The following COL1A1 variants were observed in gnomAD, a reference collection of about 807,000 sequenced individuals.
The protein encoded by COL1A1 is collagen type I alpha 1 chain, also known as collagen alpha-1(I) chain.
Under a neutral mutation model 195.7 loss-of-function variants are expected in COL1A1, and 21 were observed. That is an observed-to-expected ratio of 0.11 (90% CI 0.08 to 0.15). COL1A1 has a LOEUF of 0.15. COL1A1 is among the 10% of genes least tolerant of loss of function. The probability of loss-of-function intolerance (pLI) is 1.00; values close to 1 mark genes in which losing one functional copy is unlikely to be tolerated. For missense variants in COL1A1, 1,365 were observed against 2,051.0 expected, an observed-to-expected ratio of 0.67 and a Z score of 6.46; for synonymous variants, 749 against 747.3, an observed-to-expected ratio of 1.00 and a Z score of -0.04.
rs1906542007 is a variant in COL1A1 at position 50,186,529 on chromosome 17, T to C, written c.3815-22A>G. 6.2e-7 allele frequency: 1 copy of C among 1,613,802 alleles called. No individual in the cohort carries two copies. Reference sequence around the variant, plus strand: ...TCTCCTGTGGTAGGGCAGGGCAAGATGGAGTCAGGGAAAGGGAGCAGCCAG... The same window carrying C: ...TCTCCTGTGGTAGGGCAGGGCAAGACGGAGTCAGGGAAAGGGAGCAGCCAG... On this transcript the variant is annotated intron_variant, in intron 48 of 50. Coordinates refer to ENST00000225964, the MANE Select transcript of COL1A1 (RefSeq NM_000088.4). This position sits in a 1 kb window ranked among gnomAD's most constrained non-coding sequence, Gnocchi z 5.3.
chr17:50,194,451 G>T lies in COL1A1; in HGVS notation c.1516-4C>A. 6.2e-7 allele frequency: 1 copy of T among 1,614,098 alleles called. No homozygotes were observed. The highest frequency in any genetic ancestry group is 8.5e-7 in the Non-Finnish European group (1 of 1,179,984). ...AACCACGTTCACCAGCGGGACCCTG[G>T]TTGGGGGAAGTCACAGGAACAGTTA... On this transcript the variant is annotated splice_region_variant and splice_polypyrimidine_tract_variant and intron_variant, in intron 22 of 50. Coordinates refer to ENST00000225964, the MANE Select transcript of COL1A1 (RefSeq NM_000088.4). This position sits in a 1 kb window ranked among gnomAD's most constrained non-coding sequence, Gnocchi z 6.8.
chr17:50,195,987 A>G lies in COL1A1; in HGVS notation c.1003-11T>C. ...GGGGCCGGTGGGACCCTGTGAATGA[A>G]ATGGAGATGTCAGCGAGAAGGAAGA... is the stretch of plus-strand genomic sequence containing the variant. On this transcript the variant is annotated splice_polypyrimidine_tract_variant and intron_variant, in intron 15 of 50. Coordinates refer to ENST00000225964, the MANE Select transcript of COL1A1 (RefSeq NM_000088.4). This position sits in a 1 kb window ranked among gnomAD's most constrained non-coding sequence, Gnocchi z 4.3. 6.3e-7 allele frequency: 1 copy of G among 1,597,412 alleles called. No homozygotes were observed. The highest frequency in any genetic ancestry group is 8.5e-7 in the Non-Finnish European group (1 of 1,171,708).
chr17:50,198,214 G>A lies in COL1A1; in HGVS notation c.544-9C>T, dbSNP rs546697625. On this transcript the variant is annotated splice_polypyrimidine_tract_variant and intron_variant, in intron 6 of 50. Transcript: ENST00000225964. ...CGAGGACCAGAGGGACCCTATAGAG[G>A]GAGAAGAAAGGGGGGTCATGGTGAT... 1 of 1,614,006 alleles carries A rather than the reference G, an allele frequency of 6.2e-7. No homozygotes were observed. Among genetic ancestry groups the A allele is most frequent in the African/African-American group, 1.3e-5 (1 of 75,020 alleles).
chr17:50,191,963 G>T lies in COL1A1; in HGVS notation c.2028+17C>A. On this transcript the variant is annotated intron_variant, in intron 30 of 50. Transcript: ENST00000225964. ...TACGACGCACCTTGACGGATGCAGC[G>T]AGAGAGGCCTACTTACTCTTGCTCC... 1 of 1,612,370 alleles carries T rather than the reference G, an allele frequency of 6.2e-7. No individual in the cohort carries two copies. The highest frequency in any genetic ancestry group is 8.5e-7 in the Non-Finnish European group (1 of 1,179,416).
chr17:50,195,049 G>C lies in COL1A1; in HGVS notation c.1351C>G (p.Pro451Ala), dbSNP rs1907454557. The C allele has an allele frequency of 6.2e-7, 1 of 1,613,364 alleles. No individual in the cohort carries two copies. Among genetic ancestry groups the C allele is most frequent in the Admixed American group, 1.7e-5 (1 of 60,014 alleles). The part of the protein sequence containing the change: ...SKGDTGAKGE[P>A]GPVGVQGPPG... Reference sequence around the variant, plus strand: ...AGAAGGATGGCGGGGAGACTTACAGGCTCTCCCTTAGCACCAGTGTCTCCT... The same window carrying C: ...AGAAGGATGGCGGGGAGACTTACAGCCTCTCCCTTAGCACCAGTGTCTCCT... The change falls in exon 20 of 51, where the codon CCT becomes GCT. Residue 451 changes from proline (P) to alanine (A), a missense_variant and splice_region_variant. Around this residue, in one of 5 missense-constraint regions of COL1A1, gnomAD observed 671 missense variants for 1,099.9 expected, o/e 0.61. Coordinates refer to ENST00000225964, the MANE Select transcript of COL1A1 (RefSeq NM_000088.4). This position sits in a 1 kb window ranked among gnomAD's most constrained non-coding sequence, Gnocchi z 4.3.
rs368669396 is a variant in COL1A1 at position 50,186,066 on chromosome 17, C to T, written c.4006-46G>A. 1.0e-4 allele frequency: 163 copies of T among 1,605,704 alleles called. No homozygotes were observed. The highest frequency in any genetic ancestry group is 1.3e-4 in the Non-Finnish European group (154 of 1,179,646). On this transcript the variant is annotated intron_variant, in intron 49 of 50. Transcript: ENST00000225964. The surrounding 1 kb of genome is among the most constrained non-coding windows in gnomAD (Gnocchi z 5.3). ...GGAAGAGTGAGCCGCTATGCGGGAA[C>T]CTCTAGTCCTGCCTGGCCTCCCTGT...
rs756572885 is a variant in COL1A1, at chr17:50,192,789, A to C, written c.1875+8T>G. 6.2e-7 allele frequency: 1 copy of C among 1,614,032 alleles called. No homozygotes were observed. The highest frequency in any genetic ancestry group is 1.1e-5 in the South Asian group (1 of 91,080). ...TGCTCCCCAGATCTCCCCATCAGGG[A>C]CACTCACAGCAGGGCCAGGGGGTCC... is the stretch of plus-strand genomic sequence containing the variant. On this transcript the variant is annotated splice_region_variant and intron_variant, in intron 27 of 50. Coordinates refer to ENST00000225964, the MANE Select transcript of COL1A1 (RefSeq NM_000088.4).
At position 50,190,702 on chromosome 17, in the gene COL1A1, G is replaced by A; in HGVS notation, c.2344-106C>T. On this transcript the variant is annotated intron_variant, in intron 33 of 50. Transcript: ENST00000225964. This position sits in a 1 kb window ranked among gnomAD's most constrained non-coding sequence, Gnocchi z 4.7. ...CCTTCTGGTCCCTCCAGGTTCCCAG[G>A]TTGACAGCTCAGTTTGGCAGGACCT... The A allele has an allele frequency of 6.7e-7, 1 of 1,502,406 alleles. No individual in the cohort carries two copies. Among genetic ancestry groups the A allele is most frequent in the Non-Finnish European group, 9.2e-7 (1 of 1,084,318 alleles). The allele number at this position is 1,502,406 out of a possible 1,614,324, so 93.1% of individuals were successfully genotyped here.
rs144950974 is a variant in COL1A1 at position 50,201,274 on chromosome 17, G to A, written c.103+137C>T. 5.3e-5 allele frequency: 44 copies of A among 833,544 alleles called. No homozygotes were observed. In the East Asian group the frequency reaches 9.4e-4, roughly 18 times the overall value. The allele number at this position is 833,544 out of a possible 1,614,324, so 51.6% of individuals were successfully genotyped here. On this transcript the variant is annotated intron_variant, in intron 1 of 50. Coordinates refer to ENST00000225964, the MANE Select transcript of COL1A1 (RefSeq NM_000088.4). ...GAGCTCCCTCCTGTCTCAGGGCGCCGAGGAAGAGCCCTCATCATCTCCCTT... is the reference window on the plus strand; with the variant it reads ...GAGCTCCCTCCTGTCTCAGGGCGCCAAGGAAGAGCCCTCATCATCTCCCTT...
rs1452397444 is a variant in COL1A1, at chr17:50,188,476, C to A, written c.3207+54G>T. 1 of 1,548,724 alleles carries A rather than the reference C, an allele frequency of 6.5e-7. No homozygotes were observed. The highest frequency in any genetic ancestry group is 2.2e-5 in the East Asian group (1 of 44,572). On this transcript the variant is annotated intron_variant, in intron 43 of 50. Transcript: ENST00000225964. This position sits in a 1 kb window ranked among gnomAD's most constrained non-coding sequence, Gnocchi z 5.6. ...ACCCATCCCCAGGCCTCTAAGGAGG[C>A]CTGAAGAGTCCCTGGCCTGACCAGG... is the stretch of plus-strand genomic sequence containing the variant.
chr17:50,194,547 G>GC lies in COL1A1; in HGVS notation c.1515+25dup, dbSNP rs758833227. ...AGATGCCCAGGGAGCGGCAGGGTCA[G>GC]CCCCCCGGCCGCAAGGAGAGGTTAC... On this transcript the variant is annotated intron_variant, in intron 22 of 50. Coordinates refer to ENST00000225964, the MANE Select transcript of COL1A1 (RefSeq NM_000088.4). The surrounding 1 kb of genome is among the most constrained non-coding windows in gnomAD (Gnocchi z 6.8). The GC allele has an allele frequency of 2.5e-6, 4 of 1,602,730 alleles. No individual in the cohort carries two copies. The highest frequency in any genetic ancestry group is 8.5e-7 in the Non-Finnish European group (1 of 1,174,808).
rs752357719 is a variant in COL1A1 at position 50,188,985 on chromosome 17, G to C, written c.2963C>G (p.Ser988Cys). ...GGGACCACGTTCACCACTTGCTCCA[G>C]AGGGACCTTGTTTGCCAGGTTCACC... Reference protein sequence around the residue: ...PSGEPGKQGPSGASGERGPPG... With the variant: ...PSGEPGKQGPCGASGERGPPG... The change falls in exon 41 of 51, where the codon TCT becomes TGT. Residue 988 changes from serine (S) to cysteine (C), a missense_variant. Ser to Cys is a moderately radical substitution (Grantham distance 112, BLOSUM62 -1). Around this residue, in one of 5 missense-constraint regions of COL1A1, gnomAD observed 671 missense variants for 1,099.9 expected, o/e 0.61. Transcript: ENST00000225964. The surrounding 1 kb of genome is among the most constrained non-coding windows in gnomAD (Gnocchi z 5.6). 1.2e-6 allele frequency: 2 copies of C among 1,613,894 alleles called. No individual in the cohort carries two copies. Among genetic ancestry groups the C allele is most frequent in the Non-Finnish European group, 1.7e-6 (2 of 1,179,866 alleles).
rs1042736214 is a variant in COL1A1 at position 50,193,908 on chromosome 17, C to T, written c.1767+35G>A. 4 of 1,589,658 alleles carry T rather than the reference C, an allele frequency of 2.5e-6. No homozygotes were observed. In the African/African-American group the frequency reaches 5.4e-5, roughly 21 times the overall value. ...TCCTTCAAGTCTCAGGTGTGTTTGT[C>T]CCTGGCTCTTCATGGATCCTCACTT... On this transcript the variant is annotated intron_variant, in intron 25 of 50. Transcript: ENST00000225964.
At position 50,199,718 on chromosome 17, in the gene COL1A1, AGGCCCCAGGCCCCAGG is replaced by A. The variant is rs1907913773; in HGVS notation, c.298+19_298+34del. 1.8e-5 allele frequency: 4 copies of A among 225,108 alleles called. No homozygotes were observed. The East Asian group carries it at 5.7e-4, about 32-fold the overall frequency. 13.9% of individuals were successfully genotyped at this position (225,108 alleles called of 1,614,324 possible). On this transcript the variant is annotated intron_variant, in intron 2 of 50. Transcript: ENST00000225964. Reference sequence around the variant, plus strand: ...GCCCCAGCCCCAGGCCCCAGGCCCCAGGCCCCAGGCCCCAGGCCCCGAGCGCAGCCGCACCTGAGCC... The same window carrying A: ...GCCCCAGCCCCAGGCCCCAGGCCCCACCCCGAGCGCAGCCGCACCTGAGCC...
intron 32 of COL1A1, 129 bp downstream of exon 32, chr17:50,191,254 A>T: frequency 1.1e-6 from 1 of 920,046 alleles, no homozygotes; most frequent in East Asian, 2.5e-5. Flanking sequence ...GCCAGAGGGG[A>T]AAGGGGAAGA....
Position 50,184,687 on chromosome 17 carries a change from T to C in COL1A1, c.*815A>G, listed in dbSNP as rs886053146. On this transcript the variant is annotated 3_prime_UTR_variant, in exon 51 of 51. Transcript: ENST00000225964. ...CCCCGCCCCCAGGCAGTTGCCCCGG[T>C]GACACATCAAGACAAGAACGAGGTA... is the stretch of plus-strand genomic sequence containing the variant. 2 of 205,260 alleles carry C rather than the reference T, an allele frequency of 9.7e-6. No individual in the cohort carries two copies. The highest frequency in any genetic ancestry group is 2.0e-5 in the Non-Finnish European group (2 of 102,496). The allele number at this position is 205,260 out of a possible 1,614,324, so 12.7% of individuals were successfully genotyped here.
At position 50,195,111 on chromosome 17, in the gene COL1A1, G is replaced by A; in HGVS notation, c.1300-11C>T. On this transcript the variant is annotated splice_polypyrimidine_tract_variant and intron_variant, in intron 19 of 50. Coordinates refer to ENST00000225964, the MANE Select transcript of COL1A1 (RefSeq NM_000088.4). The surrounding 1 kb of genome is among the most constrained non-coding windows in gnomAD (Gnocchi z 4.3). ...AGCACCAGGTTCACCCTGCAAGGGG[G>A]GAGAAGAGGATGAGCTGAGAGTCGG... 6.2e-7 allele frequency: 1 copy of A among 1,613,608 alleles called. No homozygotes were observed.
At position 50,201,508 on chromosome 17, in the gene COL1A1, G is replaced by A. The variant is rs776596093; in HGVS notation, c.6C>T (p.Phe2=). Residue 2 remains phenylalanine (F), a synonymous_variant, in exon 1 of 51, where the codon TTC becomes TTT. Coordinates refer to ENST00000225964, the MANE Select transcript of COL1A1 (RefSeq NM_000088.4). The part of the protein sequence containing the change: M[F]SFVDLRLLLL... ...GCAGGAGCCGGAGGTCCACAAAGCT[G>A]AACATGTCTAGACCCTAGACATGTA... The A allele has an allele frequency of 2.5e-6, 4 of 1,611,328 alleles. No individual in the cohort carries two copies. The African/African-American group carries it at 5.3e-5, about 22-fold the overall frequency.
intron 45 of COL1A1, 144 bp downstream of exon 45, chr17:50,187,732 C>T (rs1906677981): frequency 2.1e-6 from 2 of 949,066 alleles, no homozygotes; most frequent in South Asian, 1.5e-5. Context: ...TCAGAAGCTA[C>T]TTGGACATGC....
Sources: allele counts gnomAD v4.1 joint callset, GRCh38; gene constraint gnomAD v4.1.1; regional missense constraint gnomAD v4.1.1; non-coding constraint Gnocchi (gnomAD v3.1); transcripts MANE v1.5; gene names NCBI Gene and HGNC (gene_info 2026-07-23, HGNC 2026-07-21).